The following ELAPOR2 variants were observed in gnomAD, a reference collection of about 807,000 sequenced individuals.
ELAPOR2 encodes endosome-lysosome associated apoptosis and autophagy regulator family member 2.
Under a neutral mutation model 120.7 loss-of-function variants are expected in ELAPOR2, and 89 were observed. The observed-to-expected ratio is 0.74, with a 90% CI of 0.62 to 0.88. The LOEUF (loss-of-function observed/expected upper bound fraction) is 0.88, where lower values mean the gene tolerates loss of function less well. ELAPOR2 is among the 40% of genes least tolerant of loss of function. The pLI is 0.00. For synonymous variants in ELAPOR2, 444 were observed against 444.9 expected, an observed-to-expected ratio of 1.00 and a Z score of 0.03; for missense variants, 1,134 against 1,251.6, an observed-to-expected ratio of 0.91 and a Z score of 1.42.
chr7:87,009,281 G>A (rs1242293131), intron 1 of ELAPOR2, among the ~76,000 whole-genome samples: 1 of 152,182 alleles, frequency 6.6e-6, no homozygotes. Flanking sequence ...CAGTGGCTTG[G>A]AAGAGGAAGT....
chr7:86,918,681 T>A (rs1789682033), intron 11 of ELAPOR2, 137 bp from the exon 12 acceptor site: 1 of 614,154 alleles, frequency 1.6e-6, no homozygotes, highest in Non-Finnish European at 2.9e-6. Context: ...CACCCACAAC[T>A]CCTTCCTCAC....
chr7:86,977,153 G>C (rs1792309659), intron 1 of ELAPOR2, among the ~76,000 whole-genome samples: 1 of 152,214 alleles, frequency 6.6e-6, no homozygotes, highest in African/African-American at 2.4e-5. Flanking sequence ...ATCAATCATT[G>C]TGCTAAGTTC....
chr7:86,980,185 A>G (rs1258204953), intron 1 of ELAPOR2, among the ~76,000 whole-genome samples: 1 of 152,170 alleles, frequency 6.6e-6, no homozygotes, highest in Non-Finnish European at 1.5e-5. Context: ...AGGTAATAAA[A>G]CTCTGGTACG....
intron 1 of ELAPOR2, among the ~76,000 whole-genome samples, chr7:86,991,693 C>G (rs1468647688): frequency 1.3e-5 from 2 of 152,200 alleles, no homozygotes; most frequent in African/African-American, 2.4e-5. Flanking sequence ...TTTAAAGGCT[C>G]CATGAAGTCA....
chr7:86,935,743 T>C (rs1238372500), intron 8 of ELAPOR2, among the ~76,000 whole-genome samples: 1 of 152,028 alleles, frequency 6.6e-6, no homozygotes, highest in Non-Finnish European at 1.5e-5. Flanking sequence ...GTTTTTCTTC[T>C]ATCCTTAGCT....
chr7:86,940,467 T>G (rs1417468981), intron 5 of ELAPOR2, among the ~76,000 whole-genome samples: 1 of 152,076 alleles, frequency 6.6e-6, no homozygotes. Flanking sequence ...TGTATATTTA[T>G]AAGTTGCCAC....
At chr7:87,048,782 A>C (rs532560581) in intron 1 of ELAPOR2, among the ~76,000 whole-genome samples, 1 of 152,352 alleles carries the variant, frequency 6.6e-6, no homozygotes, top group South Asian at 2.1e-4. Flanking sequence ...AAAAATTAAA[A>C]AATGTTTAAA....
chr7:87,018,408 A>G (rs1296342983), intron 1 of ELAPOR2, among the ~76,000 whole-genome samples: 1 of 152,224 alleles, frequency 6.6e-6, no homozygotes, highest in East Asian at 1.9e-4. Context: ...GTTAGTATCA[A>G]TTCATATAAC....
intron 15 of ELAPOR2, among the ~76,000 whole-genome samples, chr7:86,910,226 C>T (rs577737354): frequency 2.0e-5 from 3 of 152,098 alleles, no homozygotes; most frequent in South Asian, 2.1e-4. Context: ...ATAACAAATA[C>T]AGTAATTCAA....
Position 86,925,507 on chromosome 7 carries a change from G to A in ELAPOR2, c.1399+21C>T, listed in dbSNP as rs781391425. On this transcript the variant is annotated intron_variant, in intron 10 of 21. Coordinates refer to ENST00000450689, the MANE Select transcript of ELAPOR2 (RefSeq NM_001142749.3). The stretch of plus-strand genomic sequence containing the variant: ...TGTCTCTATTGCTGAAATACATCAA[G>A]TAGGCTGATTTTGAACTTACCATTC... 3 of 1,609,504 alleles carry A rather than the reference G, an allele frequency of 1.9e-6. No homozygotes were observed. The South Asian group carries it at 3.3e-5, about 18-fold the overall frequency.
At chr7:86,942,767 C>G (rs1790851308) in intron 4 of ELAPOR2, among the ~76,000 whole-genome samples, 2 of 152,014 alleles carry the variant, frequency 1.3e-5, no homozygotes. Flanking sequence ...TTTTCCAGGT[C>G]TACAATGAAT....
chr7:86,918,402 A>G, intron 12 of ELAPOR2, 40 bp downstream of exon 12: 1 of 1,182,374 alleles, frequency 8.5e-7, no homozygotes, highest in Non-Finnish European at 1.2e-6. Flanking sequence ...GAGAATGCTA[A>G]GCTTAGAAAT....
intron 1 of ELAPOR2, among the ~76,000 whole-genome samples, chr7:87,000,809 A>T (rs1192148011): frequency 6.6e-6 from 1 of 152,182 alleles, no homozygotes; most frequent in South Asian, 2.1e-4. Context: ...TGTCCTACAA[A>T]GAGAGCTGAC....
At chr7:87,029,340 G>T (rs958150556) in intron 1 of ELAPOR2, among the ~76,000 whole-genome samples, 1 of 152,184 alleles carries the variant, frequency 6.6e-6, no homozygotes, top group Non-Finnish European at 1.5e-5. Flanking sequence ...TTACACAAGG[G>T]ATTCTTAACC....
intron 9 of ELAPOR2, among the ~76,000 whole-genome samples, chr7:86,926,090 T>C (rs1445889602): frequency 1.3e-5 from 2 of 152,004 alleles, no homozygotes; most frequent in East Asian, 1.9e-4. Context: ...TAACAGAATA[T>C]TAATACCATT....
At chr7:86,934,763 T>C (rs1242637210) in intron 8 of ELAPOR2, among the ~76,000 whole-genome samples, 12 of 152,016 alleles carry the variant, frequency 7.9e-5, no homozygotes, top group Admixed American at 7.9e-4. Flanking sequence ...CAGACTGATG[T>C]ACATAATGGC....
intron 1 of ELAPOR2, among the ~76,000 whole-genome samples, chr7:87,008,428 G>T (rs1793553362): frequency 6.6e-6 from 1 of 152,216 alleles, no homozygotes; most frequent in Non-Finnish European, 1.5e-5. Context: ...GGTCATCATT[G>T]AAACACTTTA....
intron 15 of ELAPOR2, among the ~76,000 whole-genome samples, chr7:86,910,560 C>T (rs1562914901): frequency 6.6e-6 from 1 of 151,978 alleles, no homozygotes; most frequent in African/African-American, 2.4e-5. Context: ...CTCTTAGTTT[C>T]AATGATGTGT....
At chr7:86,890,648 C>T (rs1788103625) in intron 21 of ELAPOR2, among the ~76,000 whole-genome samples, 1 of 151,988 alleles carries the variant, frequency 6.6e-6, no homozygotes, top group Non-Finnish European at 1.5e-5. Flanking sequence ...CTAAACTGTC[C>T]ATGAAACTGT....
Sources: allele counts gnomAD v4.1 joint callset (sites outside exome capture counted in the v4.1 genomes callset), GRCh38; gene constraint gnomAD v4.1.1; transcripts MANE v1.5; gene names NCBI Gene and HGNC (gene_info 2026-07-23, HGNC 2026-07-21).